CIMAP1C: variants seen among roughly 807,000 people sequenced by gnomAD.
CIMAP1C encodes ciliary microtubule associated protein 1C.
chr15:75,726,820 T>C, the CIMAP1C span, among the ~76,000 whole-genome samples: 1 of 152,132 alleles, frequency 6.6e-6, no homozygotes, highest in African/African-American at 2.4e-5. Flanking sequence ...TTCACCATGT[T>C]GGTCAGGCTG....
chr15:75,726,928 G>GA, the CIMAP1C span: 17 of 1,216,678 alleles, frequency 1.4e-5, no homozygotes, highest in East Asian at 3.8e-4. Context: ...TGACCATTTG[G>GA]ATGTCCCTGC....
the CIMAP1C span, chr15:75,724,190 A>G: frequency 6.3e-7 from 1 of 1,599,202 alleles, no homozygotes; most frequent in African/African-American, 1.3e-5. Flanking sequence ...CTCCCTGCCC[A>G]GCCCCAGCCA....
chr15:75,726,906 G>A, the CIMAP1C span, among the ~76,000 whole-genome samples: 8 of 152,098 alleles, frequency 5.3e-5, no homozygotes, highest in African/African-American at 1.7e-4. Flanking sequence ...GAGCCACCGC[G>A]TCCGGCCTAA....
chr15:75,727,645 G>A, the CIMAP1C span: 1 of 1,117,866 alleles, frequency 8.9e-7, no homozygotes, highest in Admixed American at 2.3e-5. Flanking sequence ...GGTACCTGCT[G>A]AGTGTCCGGC....
chr15:75,724,184 C>G, the CIMAP1C span: 1 of 1,576,672 alleles, frequency 6.3e-7, no homozygotes. Context: ...CTGCTGCTCC[C>G]TGCCCAGCCC....
the CIMAP1C span, chr15:75,725,966 A>C: frequency 1.4e-6 from 1 of 739,970 alleles, no homozygotes; most frequent in Non-Finnish European, 2.3e-6. Context: ...ACAGAATCTG[A>C]AGTGGGAGGG....
chr15:75,724,077 C>G, the CIMAP1C span: 14 of 671,946 alleles, frequency 2.1e-5, no homozygotes, highest in African/African-American at 1.6e-4. Flanking sequence ...GAACTGTCTT[C>G]CTTCCCAGCT....
chr15:75,727,115 G>T, the CIMAP1C span: 4 of 1,613,926 alleles, frequency 2.5e-6, no homozygotes, highest in Admixed American at 6.7e-5. Context: ...CCACCCACCG[G>T]GGGAACGCAG....
At chr15:75,727,327 C>T in the CIMAP1C span, 88 of 1,614,134 alleles carry the variant, frequency 5.5e-5, no homozygotes, top group Middle Eastern at 4.9e-4. Flanking sequence ...CTACCACGTA[C>T]GCCCGACCTG....
chr15:75,726,359 G>A, the CIMAP1C span, among the ~76,000 whole-genome samples: 1 of 152,184 alleles, frequency 6.6e-6, no homozygotes, highest in African/African-American at 2.4e-5. Context: ...GTTATGACAT[G>A]CAGCATGTCA....
At chr15:75,727,127 G>C in the CIMAP1C span, 1 of 1,613,972 alleles carries the variant, frequency 6.2e-7, no homozygotes, top group East Asian at 2.2e-5. Context: ...GGAACGCAGG[G>C]CTCCCCAGTA....
chr15:75,727,569 C>T, the CIMAP1C span: 5 of 1,521,738 alleles, frequency 3.3e-6, no homozygotes, highest in Admixed American at 2.1e-5. Context: ...CACTGCCCCT[C>T]ATCCCCAGAA....
At chr15:75,725,444 G>T in the CIMAP1C span, among the ~76,000 whole-genome samples, 1 of 152,218 alleles carries the variant, frequency 6.6e-6, no homozygotes. Context: ...TGTCCAGCTG[G>T]CACAGCAGAG....
At chr15:75,725,225 G>T in the CIMAP1C span, 2 of 1,587,320 alleles carry the variant, frequency 1.3e-6, no homozygotes, top group Non-Finnish European at 1.7e-6. Flanking sequence ...AAGCGTGAGC[G>T]TTGCCACCCC....
chr15:75,725,194 C>G, the CIMAP1C span: 1 of 1,613,462 alleles, frequency 6.2e-7, no homozygotes, highest in Non-Finnish European at 8.5e-7. Flanking sequence ...AGCTTATACC[C>G]TGCATAGCCG....
the CIMAP1C span, chr15:75,725,195 T>C: frequency 7.1e-5 from 115 of 1,613,396 alleles, no homozygotes; most frequent in Non-Finnish European, 8.4e-5. Flanking sequence ...GCTTATACCC[T>C]GCATAGCCGG....
chr15:75,725,733 G>C, the CIMAP1C span, among the ~76,000 whole-genome samples: 2 of 152,218 alleles, frequency 1.3e-5, no homozygotes, highest in African/African-American at 4.8e-5. Flanking sequence ...CCTCAGCAAG[G>C]TAAGCCCCTG....
the CIMAP1C span, chr15:75,725,333 C>T: frequency 1.2e-6 from 1 of 822,170 alleles, no homozygotes; most frequent in Non-Finnish European, 2.0e-6. Flanking sequence ...CTCAAGGGGC[C>T]CCCTGGGTCC....
At chr15:75,724,191 G>GC in the CIMAP1C span, 1 of 1,601,664 alleles carries the variant, frequency 6.2e-7, no homozygotes. Context: ...TCCCTGCCCA[G>GC]CCCCAGCCAT....
Sources: allele counts gnomAD v4.1 joint callset (sites outside exome capture counted in the v4.1 genomes callset), GRCh38; gene constraint gnomAD v4.1.1; transcripts MANE v1.5; gene names NCBI Gene and HGNC (gene_info 2026-07-23, HGNC 2026-07-21).